Variants in PDE4B observed in about 807,000 individuals in gnomAD.
PDE4B encodes phosphodiesterase 4B.
Under a neutral mutation model 82.2 loss-of-function variants are expected in PDE4B, and 20 were observed. That is an observed-to-expected ratio of 0.24 (90% CI 0.17 to 0.35). PDE4B has a LOEUF of 0.35. PDE4B is among the 10% of genes least tolerant of loss of function. The pLI is 1.00. For missense variants in PDE4B, 655 were observed against 907.2 expected (o/e 0.72, Z 3.57); for synonymous variants, 320 against 318.9 (o/e 1.00, Z -0.04).
At chr1:65,808,097 G>A (rs1490255961) in intron 1 of PDE4B, among the ~76,000 whole-genome samples, 3 of 151,776 alleles carry the variant, frequency 2.0e-5, no homozygotes, top group Non-Finnish European at 4.4e-5. Context: ...ATAAGTAGGT[G>A]AAGTGTAAGT....
chr1:65,913,100 T>C (rs943922610), intron 1 of PDE4B, 145 bp from the exon 2 acceptor site: 1 of 431,876 alleles, frequency 2.3e-6, no homozygotes. Flanking sequence ...TCTCAGCATA[T>C]CAAACTTAAT....
chr1:65,837,274 C>T (rs1454565640), intron 1 of PDE4B, among the ~76,000 whole-genome samples: 4 of 152,102 alleles, frequency 2.6e-5, no homozygotes, highest in Admixed American at 1.3e-4. Flanking sequence ...CAGTATTTCT[C>T]AAGTCTGGTT....
chr1:65,904,236 A>G (rs907653963), intron 1 of PDE4B, among the ~76,000 whole-genome samples: 38 of 152,174 alleles, frequency 2.5e-4, no homozygotes, highest in Admixed American at 6.6e-4. Context: ...CAGGTGGACA[A>G]TTTTTTGAAG....
At chr1:66,067,397 G>C (rs1028610130) in intron 3 of PDE4B, among the ~76,000 whole-genome samples, 20 of 152,070 alleles carry the variant, frequency 1.3e-4, no homozygotes, top group Admixed American at 9.8e-4. Context: ...GGTGTGAGAT[G>C]GTATCTCATT....
chr1:65,885,962 A>G (rs1270208470), intron 1 of PDE4B, among the ~76,000 whole-genome samples: 1 of 150,958 alleles, frequency 6.6e-6, no homozygotes, highest in Admixed American at 6.6e-5. Flanking sequence ...CACTAGCCAT[A>G]TGTGACTAGT....
intron 1 of PDE4B, among the ~76,000 whole-genome samples, chr1:65,851,131 C>T (rs925618931): frequency 1.5e-4 from 23 of 152,208 alleles, no homozygotes; most frequent in African/African-American, 3.1e-4. Context: ...AGGCCGAATA[C>T]GCTTGATATG....
In PDE4B at chr1:65,918,654, A is replaced by G; in HGVS notation, c.100A>G (p.Thr34Ala). Reference sequence around the variant, plus strand: ...TAAATCCTACAGTTCTTCCAGTAACACACTTGGGATCGACCTCTGGAGAGG... The same window carrying G: ...TAAATCCTACAGTTCTTCCAGTAACGCACTTGGGATCGACCTCTGGAGAGG... Reference protein sequence around the residue: ...LSKSYSSSSNTLGIDLWRGRR... With the variant: ...LSKSYSSSSNALGIDLWRGRR... Residue 34 changes from threonine to alanine, a missense_variant, in exon 3 of 17, where the codon ACA becomes GCA. Thr to Ala is a moderately conservative substitution (Grantham distance 58, BLOSUM62 0). Around this residue, in one of 3 missense-constraint regions of PDE4B, gnomAD observed 253 missense variants for 275.6 expected, o/e 0.92. Transcript: ENST00000341517. 6.2e-7 allele frequency: 1 copy of G among 1,613,850 alleles called. No homozygotes were observed. Among genetic ancestry groups the G allele is most frequent in the Non-Finnish European group, 8.5e-7 (1 of 1,179,704 alleles).
chr1:66,237,921 G>A (rs547435469), intron 3 of PDE4B, among the ~76,000 whole-genome samples: 45 of 152,290 alleles, frequency 3.0e-4, no homozygotes, highest in African/African-American at 7.5e-4. Context: ...GATGGCCCTC[G>A]TGGGGCTTAG....
At chr1:65,826,040 T>A (rs1028536349) in intron 1 of PDE4B, among the ~76,000 whole-genome samples, 1 of 152,206 alleles carries the variant, frequency 6.6e-6, no homozygotes. Flanking sequence ...CCTGATTTAC[T>A]GAGAAATTGC....
intron 3 of PDE4B, among the ~76,000 whole-genome samples, chr1:66,236,062 G>A (rs1652413629): frequency 6.6e-6 from 1 of 152,118 alleles, no homozygotes. Context: ...AAAGTACAGA[G>A]GAAGTTTCAG....
rs752252352 is a variant in PDE4B, at chr1:65,825,705, C to CCTGTCTGTCTGTCTAT, written c.-71+32459_-71+32460insGTCTGTCTGTCTATCT. Among the ~76,000 whole-genome samples, 832 of 107,446 alleles carry CCTGTCTGTCTGTCTAT rather than the reference C, an allele frequency of 7.7e-3. 14 individuals carry two copies. Among genetic ancestry groups the CCTGTCTGTCTGTCTAT allele is most frequent in the African/African-American group, 0.026 (799 of 31,058 alleles). 70.5% of individuals were successfully genotyped at this position (107,446 alleles called of 152,430 possible). On this transcript the variant is annotated intron_variant, in intron 1 of 16. Coordinates refer to ENST00000341517, the MANE Select transcript of PDE4B (RefSeq NM_002600.4). Reference sequence around the variant, plus strand: ...TAAAAAAAAATTAAAAACAAAATTACCTATCTATCTATCTATCTATCTATC... The same window carrying CCTGTCTGTCTGTCTAT: ...TAAAAAAAAATTAAAAACAAAATTACCTGTCTGTCTGTCTATCTATCTATCTATCTATCTATCTATC...
Position 66,257,652 on chromosome 1 carries a change from G to A in PDE4B, c.482G>A (p.Gly161Asp), listed in dbSNP as rs374832183. Residue 161 changes from glycine (G) to aspartate (D), a missense_variant, in exon 5 of 17, where the codon GGC becomes GAC. Gly to Asp is a moderately conservative substitution (Grantham distance 94, BLOSUM62 -1). This residue lies in a region of PDE4B where 253 missense variants were observed against 275.6 expected (regional missense o/e 0.92). Transcript: ENST00000341517. ...TTTTTTTCTCTTTTCACCAGACACG[G>A]CGATGACTTGATTGTAACTCCTTTT... ...RNSSLPSEQHGDDLIVTPFAQ... is the reference protein window; with the variant it reads ...RNSSLPSEQHDDDLIVTPFAQ... 6.2e-7 allele frequency: 1 copy of A among 1,613,530 alleles called. No homozygotes were observed. The highest frequency in any genetic ancestry group is 8.5e-7 in the Non-Finnish European group (1 of 1,179,600).
At chr1:66,091,940 T>C (rs1570207981) in intron 3 of PDE4B, among the ~76,000 whole-genome samples, 1 of 152,098 alleles carries the variant, frequency 6.6e-6, no homozygotes, top group Non-Finnish European at 1.5e-5. Context: ...ATCCATAATA[T>C]GTCAACCAAA....
At chr1:65,839,830 C>A (rs1484930412) in intron 1 of PDE4B, among the ~76,000 whole-genome samples, 1 of 152,048 alleles carries the variant, frequency 6.6e-6, no homozygotes. Flanking sequence ...GGTTCTAGAT[C>A]CTTGAGGAAT....
At chr1:65,797,265 A>T (rs1217916951) in intron 1 of PDE4B, among the ~76,000 whole-genome samples, 1 of 152,182 alleles carries the variant, frequency 6.6e-6, no homozygotes, top group Non-Finnish European at 1.5e-5. Context: ...ACATTTTTAG[A>T]ATAAATGCTT....
intron 3 of PDE4B, among the ~76,000 whole-genome samples, chr1:66,032,426 T>C (rs563485018): frequency 1.3e-5 from 2 of 152,320 alleles, no homozygotes; most frequent in East Asian, 1.9e-4. Context: ...ATATAAAGTG[T>C]ATCCATTTTG....
intron 3 of PDE4B, among the ~76,000 whole-genome samples, chr1:66,105,227 T>A (rs1156857783): frequency 1.4e-5 from 2 of 145,726 alleles, no homozygotes; most frequent in African/African-American, 2.5e-5. Flanking sequence ...TTTTGTCATG[T>A]TTGTCAAAGA....
chr1:66,266,206 T>A, intron 7 of PDE4B, 119 bp downstream of exon 7: 1 of 779,480 alleles, frequency 1.3e-6, no homozygotes, highest in Admixed American at 2.0e-5. Context: ...CTCAAAAGTA[T>A]GTCTCTTGGT....
At chr1:66,055,385 T>C (rs1476613196) in intron 3 of PDE4B, among the ~76,000 whole-genome samples, 1 of 152,266 alleles carries the variant, frequency 6.6e-6, no homozygotes, top group Admixed American at 6.5e-5. Flanking sequence ...GTAGAGTTGT[T>C]GTAAGAATAA....
Sources: gnomAD v4.1 joint callset for allele counts (sites outside exome capture counted in the v4.1 genomes callset) on GRCh38, gnomAD v4.1.1 for gene constraint, gnomAD v4.1.1 regional missense constraint, MANE v1.5 for transcripts, NCBI Gene and HGNC (gene_info 2026-07-23, HGNC 2026-07-21) for gene names.